The following CPVL variants were observed in gnomAD, a reference collection of about 807,000 sequenced individuals.
CPVL encodes the protein probable serine carboxypeptidase CPVL.
A neutral mutation model predicts 63.7 loss-of-function variants in CPVL; 51 were observed. The observed-to-expected ratio is 0.80, with a 90% CI of 0.64 to 1.01. The LOEUF (loss-of-function observed/expected upper bound fraction) is 1.01, where lower values mean the gene tolerates loss of function less well. Ranked by LOEUF, CPVL falls within the 50% of genes least tolerant of loss-of-function variation. The probability of loss-of-function intolerance (pLI) is 0.00; values close to 1 mark genes in which losing one functional copy is unlikely to be tolerated. For missense variants in CPVL, 530 were observed against 573.1 expected (o/e 0.92, Z 0.77); for synonymous variants, 195 against 206.0 (o/e 0.95, Z 0.46).
chr7:29,051,872 A>T (rs1012486104), intron 11 of CPVL, among the ~76,000 whole-genome samples: 1 of 151,442 alleles, frequency 6.6e-6, no homozygotes, highest in Non-Finnish European at 1.5e-5. Flanking sequence ...CAACGAGTGG[A>T]TAAAGAAACT....
intron 3 of CPVL, among the ~76,000 whole-genome samples, chr7:29,097,009 A>AAT (rs1491465286): frequency 2.9e-5 from 4 of 139,968 alleles, no homozygotes; most frequent in African/African-American, 1.1e-4. Flanking sequence ...AAAAAAAAAA[A>AAT]GAATGTGTCC....
At chr7:29,192,467 C>T (rs1049275304) in intron 1 of CPVL, 1 of 152,186 alleles carries the variant, frequency 6.6e-6, no homozygotes, top group Admixed American at 6.5e-5. Context: ...TACCCTATTG[C>T]ACAATTTGGG....
rs1475025280 is a variant in CPVL, at chr7:29,004,199, A to G, written c.1321-8317T>C. Among the ~76,000 whole-genome samples the G allele has an allele frequency of 2.0e-5, 3 of 152,318 alleles. No homozygotes were observed. In the East Asian group the frequency reaches 5.8e-4, roughly 29 times the overall value. On this transcript the variant is annotated intron_variant, in intron 12 of 12. Transcript: ENST00000265394. ...GTATGACTTCCAAATAATAGATTGA[A>G]TAAAAGGATGAGAGTAAGTGGAAGG...
At chr7:29,116,209 A>G (rs1584306947) in intron 2 of CPVL, among the ~76,000 whole-genome samples, 1 of 152,246 alleles carries the variant, frequency 6.6e-6, no homozygotes, top group East Asian at 1.9e-4. Flanking sequence ...CTCCTAAGGC[A>G]GACCTTGCTA....
At chr7:29,086,303 AT>A (rs1470741374) in intron 7 of CPVL, among the ~76,000 whole-genome samples, 180 bp downstream of exon 7, 15 of 57,234 alleles carry the variant, frequency 2.6e-4, no homozygotes, top group African/African-American at 5.7e-4. Context: ...AAAAAAAAAT[AT>A]ATATATATAT....
intron 12 of CPVL, among the ~76,000 whole-genome samples, chr7:29,021,495 A>C (rs1309604744): frequency 6.6e-6 from 1 of 152,080 alleles, no homozygotes; most frequent in Non-Finnish European, 1.5e-5. Context: ...CTTCTGAGGC[A>C]TAGAAGGAAA....
intron 11 of CPVL, among the ~76,000 whole-genome samples, chr7:29,054,776 T>C (rs1458768279): frequency 6.6e-6 from 1 of 152,186 alleles, no homozygotes; most frequent in Admixed American, 6.5e-5. Context: ...TTAATGCCTC[T>C]TAATCTCCCT....
In CPVL at chr7:29,114,309, A is replaced by G. The variant is rs533214919; in HGVS notation, c.170-1487T>C. ...TATAGTTCTCATTCCCACTTTACAGATAAGAAAGCTGAAGCACAGAGAGGT... is the reference window on the plus strand; with the variant it reads ...TATAGTTCTCATTCCCACTTTACAGGTAAGAAAGCTGAAGCACAGAGAGGT... On this transcript the variant is annotated intron_variant, in intron 2 of 12. Coordinates refer to ENST00000265394, the MANE Select transcript of CPVL (RefSeq NM_031311.5). 7.9e-5 allele frequency among the ~76,000 whole-genome samples: 12 copies of G among 152,284 alleles called. 1 individual carries two copies. The South Asian group carries it at 2.5e-3, about 32-fold the overall frequency.
intron 1 of CPVL, chr7:29,145,802 A>G (rs1238031538): frequency 9.2e-5 from 14 of 152,180 alleles, no homozygotes; most frequent in Non-Finnish European, 1.5e-5. Flanking sequence ...CAGAACTGGG[A>G]TTTAAATCCA....
At chr7:29,061,085 CTT>C (rs972137130) in intron 11 of CPVL, among the ~76,000 whole-genome samples, 1 of 152,204 alleles carries the variant, frequency 6.6e-6, no homozygotes, top group Non-Finnish European at 1.5e-5. Flanking sequence ...CCACTAAACT[CTT>C]TTCTTTTTCT....
At chr7:29,110,953 A>T (rs1788167761) in intron 3 of CPVL, among the ~76,000 whole-genome samples, 1 of 152,380 alleles carries the variant, frequency 6.6e-6, no homozygotes, top group Middle Eastern at 3.4e-3. Flanking sequence ...ACCATAAGCC[A>T]AGGAATGCGA....
At chr7:29,052,700 G>T (rs928019694) in intron 11 of CPVL, among the ~76,000 whole-genome samples, 3 of 152,100 alleles carry the variant, frequency 2.0e-5, no homozygotes, top group Non-Finnish European at 2.9e-5. Flanking sequence ...ATGAGGTCAG[G>T]ACATCCAGAC....
chr7:29,016,629 G>A (rs73298192), intron 12 of CPVL, among the ~76,000 whole-genome samples: 2,737 of 152,254 alleles, frequency 0.018, 72 homozygotes, highest in African/African-American at 0.062. Flanking sequence ...ACGGGCCTGA[G>A]GGCTCCATAT....
intron 12 of CPVL, among the ~76,000 whole-genome samples, chr7:29,028,734 G>A (rs1474784690): frequency 2.7e-5 from 4 of 147,234 alleles, no homozygotes; most frequent in African/African-American, 9.9e-5. Flanking sequence ...GGAGGCCAAG[G>A]TGGGGCAGAT....
intron 11 of CPVL, among the ~76,000 whole-genome samples, chr7:29,049,220 A>G (rs1789917823): frequency 1.3e-5 from 2 of 152,108 alleles, no homozygotes; most frequent in Admixed American, 1.3e-4. Flanking sequence ...CAAAAGATAA[A>G]TGAAACAAAG....
At chr7:29,042,462 A>G (rs1789202413) in intron 11 of CPVL, among the ~76,000 whole-genome samples, 1 of 151,942 alleles carries the variant, frequency 6.6e-6, no homozygotes, top group African/African-American at 2.4e-5. Flanking sequence ...AAAATCAGCC[A>G]AGCACAGCAG....
intron 1 of CPVL, among the ~76,000 whole-genome samples, chr7:29,121,877 G>C (rs746155693): frequency 3.3e-5 from 5 of 152,106 alleles, no homozygotes; most frequent in Admixed American, 6.5e-5. Context: ...AAAGGGGGGA[G>C]GGTCCTACAA....
intron 7 of CPVL, among the ~76,000 whole-genome samples, chr7:29,084,573 T>C (rs945897409): frequency 2.6e-5 from 4 of 152,206 alleles, no homozygotes; most frequent in Admixed American, 2.0e-4. Flanking sequence ...TTTTTCAGTG[T>C]TATTCACCAT....
chr7:29,174,165 A>T (rs1431152694), intron 5 of CPVL, among the ~76,000 whole-genome samples: 1 of 151,972 alleles, frequency 6.6e-6, no homozygotes, highest in Non-Finnish European at 1.5e-5. Context: ...ATGCAGGAGG[A>T]GGTGGCTGCC....
Sources: gnomAD v4.1 joint callset for allele counts (sites outside exome capture counted in the v4.1 genomes callset) on GRCh38, gnomAD v4.1.1 for gene constraint, MANE v1.5 for transcripts, NCBI Gene and HGNC (gene_info 2026-07-23, HGNC 2026-07-21) for gene names.